Variants in SAMMSON observed in about 807,000 individuals in gnomAD.
SAMMSON encodes the protein long intergenic non-protein coding RNA 1212.
At chr3:70,218,807 T>C (rs902465689) in intron 4 of SAMMSON, among the ~76,000 whole-genome samples, 4 of 152,198 alleles carry the variant, frequency 2.6e-5, no homozygotes, top group African/African-American at 9.6e-5. Context: ...GTGCATTGAC[T>C]GTGCTTGGCG....
intron 3 of SAMMSON, among the ~76,000 whole-genome samples, chr3:70,017,796 G>A (rs928472355): frequency 9.9e-5 from 15 of 152,218 alleles, no homozygotes; most frequent in Middle Eastern, 3.4e-3. Context: ...AGCATGAAGC[G>A]TTGTTGAATT....
At chr3:70,184,823 A>T (rs1486740834) in intron 4 of SAMMSON, among the ~76,000 whole-genome samples, 1 of 152,146 alleles carries the variant, frequency 6.6e-6, no homozygotes, top group African/African-American at 2.4e-5. Flanking sequence ...ACCTCTCAGC[A>T]CACCACATTT....
In SAMMSON at chr3:70,405,706, A is replaced by C. The variant is rs763239702; in HGVS notation, n.233+47382A>C. ...ACAGAGACTCAGTGACTTGTGGGAC[A>C]ACAGCAGGCAGTCGAATCTGCATGT... On this transcript the variant is annotated intron_variant and non_coding_transcript_variant, in intron 2 of 3. Coordinates refer to the SAMMSON transcript ENST00000641053. Among the ~76,000 whole-genome samples the C allele has an allele frequency of 2.0e-5, 3 of 152,338 alleles. No homozygotes were observed. The East Asian group carries it at 5.8e-4, about 29-fold the overall frequency.
At chr3:70,406,783 A>G (rs13099775) in intron 2 of SAMMSON, among the ~76,000 whole-genome samples, 23,841 of 152,210 alleles carry the variant, frequency 0.16, 2,126 homozygotes, top group Admixed American at 0.26. Flanking sequence ...CCACCTAAAA[A>G]AGGCAGTAAA....
chr3:70,218,407 C>A (rs1297553349), intron 4 of SAMMSON, among the ~76,000 whole-genome samples: 1 of 152,000 alleles, frequency 6.6e-6, no homozygotes, highest in African/African-American at 2.4e-5. Flanking sequence ...GGTTTATAAG[C>A]TTTACAGTAA....
chr3:70,367,526 C>T (rs1322593197), intron 9 of SAMMSON, among the ~76,000 whole-genome samples: 2 of 151,498 alleles, frequency 1.3e-5, no homozygotes, highest in Non-Finnish European at 3.0e-5. Context: ...GTCCTCCAGG[C>T]TTATCCATGT....
intron 4 of SAMMSON, among the ~76,000 whole-genome samples, chr3:70,130,490 T>C (rs1310900786): frequency 1.3e-5 from 2 of 152,162 alleles, no homozygotes; most frequent in Admixed American, 6.5e-5. Context: ...GATAATGACA[T>C]TTCTTTGTTC....
At chr3:70,135,028 CTAAAGAATCAT>C (rs1286015337) in intron 4 of SAMMSON, among the ~76,000 whole-genome samples, 6 of 152,112 alleles carry the variant, frequency 3.9e-5, no homozygotes, top group African/African-American at 1.4e-4. Flanking sequence ...TTTATCTGCA[CTAAAGAATCAT>C]TTTGAAATCA....
At chr3:70,052,000 A>T (rs922478785) in intron 3 of SAMMSON, among the ~76,000 whole-genome samples, 5 of 152,044 alleles carry the variant, frequency 3.3e-5, no homozygotes, top group African/African-American at 1.2e-4. Flanking sequence ...CAAGAGGCTG[A>T]GGTGAGAGGA....
At chr3:70,013,668 CAA>C (rs957532835) in exon 3 of SAMMSON, 9 of 152,076 alleles carry the variant, frequency 5.9e-5, no homozygotes, top group African/African-American at 2.2e-4. Context: ...CAACTTTACT[CAA>C]AGGTAAATAA....
chr3:70,369,521 T>A (rs1269802584), intron 9 of SAMMSON, among the ~76,000 whole-genome samples: 1 of 98,406 alleles, frequency 1.0e-5, no homozygotes, highest in Non-Finnish European at 2.2e-5. Flanking sequence ...TTTTATATTC[T>A]TTTTTTTTTT....
intron 2 of SAMMSON, among the ~76,000 whole-genome samples, chr3:70,434,542 G>A (rs180737491): frequency 6.6e-6 from 1 of 152,126 alleles, no homozygotes; most frequent in East Asian, 1.9e-4. Flanking sequence ...TCTATATGTA[G>A]ACAACTGTGT....
chr3:70,110,427 G>A (rs552580031), intron 4 of SAMMSON, among the ~76,000 whole-genome samples: 1 of 152,132 alleles, frequency 6.6e-6, no homozygotes, highest in Non-Finnish European at 1.5e-5. Flanking sequence ...GTGAAGAGGG[G>A]TGATTTACTA....
At chr3:70,368,587 A>G (rs2106744452) in intron 9 of SAMMSON, among the ~76,000 whole-genome samples, 1 of 151,612 alleles carries the variant, frequency 6.6e-6, no homozygotes, top group African/African-American at 2.4e-5. Flanking sequence ...TTTTTTGCGT[A>G]TGGGCATCCA....
At chr3:70,267,575 TG>T (rs1461854147) in intron 6 of SAMMSON, among the ~76,000 whole-genome samples, 6 of 88,614 alleles carry the variant, frequency 6.8e-5, no homozygotes, top group Non-Finnish European at 1.4e-4. Context: ...GCTAATTTTT[TG>T]TATTTTTTTT....
intron 4 of SAMMSON, among the ~76,000 whole-genome samples, chr3:70,109,156 A>G (rs2067378923): frequency 6.6e-6 from 1 of 152,108 alleles, no homozygotes; most frequent in Admixed American, 6.5e-5. Context: ...TCAACCAGAG[A>G]TTTATCAGAG....
At chr3:70,390,603 C>G (rs1701037240), downstream of SAMMSON, among the ~76,000 whole-genome samples, 1 of 151,978 alleles carries the variant, frequency 6.6e-6, no homozygotes, top group Admixed American at 6.6e-5. Flanking sequence ...ATGACCAGAT[C>G]TTGTGAGAAC....
chr3:70,050,786 T>C (rs1297239594), intron 3 of SAMMSON, among the ~76,000 whole-genome samples: 1 of 151,998 alleles, frequency 6.6e-6, no homozygotes, highest in Non-Finnish European at 1.5e-5. Flanking sequence ...GACTAATCCA[T>C]GTGCCTGGAA....
intron 2 of SAMMSON, among the ~76,000 whole-genome samples, chr3:70,416,309 C>T (rs1309470395): frequency 2.0e-5 from 3 of 152,064 alleles, no homozygotes; most frequent in Non-Finnish European, 2.9e-5. Context: ...GTATCTATTC[C>T]TTTTAAACTG....
Sources: gnomAD v4.1 joint callset for allele counts (sites outside exome capture counted in the v4.1 genomes callset) on GRCh38, gnomAD v4.1.1 for gene constraint, MANE v1.5 for transcripts, NCBI Gene and HGNC (gene_info 2026-07-23, HGNC 2026-07-21) for gene names.